The following TMEM182 variants were observed in gnomAD, a reference collection of about 807,000 sequenced individuals.
The protein encoded by TMEM182 is transmembrane protein 182.
In TMEM182, 20 loss-of-function variants were observed where a neutral mutation model predicts 26.8. The ratio of observed to expected loss-of-function variants is 0.75; its 90% CI spans 0.53 to 1.09. The LOEUF (loss-of-function observed/expected upper bound fraction) is 1.09, where lower values mean the gene tolerates loss of function less well. Among genes scored for constraint, TMEM182 ranks in the 50% least tolerant of loss-of-function variants. The pLI is 0.00. For missense variants in TMEM182, 277 were observed against 275.5 expected (o/e 1.01, Z -0.04); for synonymous variants, 109 against 102.2 (o/e 1.07, Z -0.40).
chr2:102,793,175 T>C (rs1332738319), intron 3 of TMEM182, among the ~76,000 whole-genome samples: 1 of 152,162 alleles, frequency 6.6e-6, no homozygotes, highest in Non-Finnish European at 1.5e-5. Context: ...ACAAGGATGA[T>C]TCCAATTCAT....
At chr2:102,831,652 G>A (rs1368823069) in intron 3 of TMEM182, among the ~76,000 whole-genome samples, 1 of 152,186 alleles carries the variant, frequency 6.6e-6, no homozygotes, top group Admixed American at 6.5e-5. Context: ...AGCTACTTGG[G>A]AGGCTGAGGC....
chr2:102,778,978 T>A (rs963446046), intron 3 of TMEM182, among the ~76,000 whole-genome samples: 1 of 152,146 alleles, frequency 6.6e-6, no homozygotes, highest in African/African-American at 2.4e-5. Context: ...TTTGCTTTTG[T>A]TTAGAAAACT....
chr2:102,780,494 A>G (rs1159951784), intron 3 of TMEM182, among the ~76,000 whole-genome samples: 1 of 152,118 alleles, frequency 6.6e-6, no homozygotes, highest in African/African-American at 2.4e-5. Context: ...GTGGGAGGGC[A>G]TTATGCAGTG....
chr2:102,754,101 G>A lies in TMEM182; in HGVS notation c.-82-4288G>A, dbSNP rs762569829. ...TGCGGCTCATAGGCAGTAAAAATCT[G>A]TTTCAATAATTATCATAGGGAAGCA... is the stretch of plus-strand genomic sequence containing the variant. On this transcript the variant is annotated intron_variant, in intron 1 of 5. Transcript: ENST00000409173. 3.9e-5 allele frequency among the ~76,000 whole-genome samples: 6 copies of A among 152,104 alleles called. No individual in the cohort carries two copies. The South Asian group carries it at 8.3e-4, about 21-fold the overall frequency.
At chr2:102,768,877 A>G (rs2104670269) in intron 3 of TMEM182, among the ~76,000 whole-genome samples, 1 of 152,068 alleles carries the variant, frequency 6.6e-6, no homozygotes, top group African/African-American at 2.4e-5. Flanking sequence ...TGAGGCTACA[A>G]GCAGGGAGGC....
intron 3 of TMEM182, among the ~76,000 whole-genome samples, chr2:102,842,114 G>T (rs1683364401): frequency 6.6e-6 from 1 of 152,026 alleles, no homozygotes; most frequent in East Asian, 1.9e-4. Context: ...CCTCTAGGAG[G>T]ATAATTCACT....
At chr2:102,790,457 A>G (rs1212912284) in intron 3 of TMEM182, among the ~76,000 whole-genome samples, 1 of 152,202 alleles carries the variant, frequency 6.6e-6, no homozygotes, top group Non-Finnish European at 1.5e-5. Context: ...TTACTTTCCT[A>G]ACTTTTTCCA....
chr2:102,786,893 G>A (rs776571776), intron 3 of TMEM182, among the ~76,000 whole-genome samples: 11 of 152,190 alleles, frequency 7.2e-5, no homozygotes, highest in Non-Finnish European at 1.3e-4. Context: ...CACAGGGAAT[G>A]GAAGTACAGT....
chr2:102,826,712 A>G (rs952706901), intron 3 of TMEM182, among the ~76,000 whole-genome samples: 1 of 151,772 alleles, frequency 6.6e-6, no homozygotes, highest in African/African-American at 2.4e-5. Context: ...TCATTCCTCC[A>G]CTCATCTTAG....
intron 3 of TMEM182, among the ~76,000 whole-genome samples, chr2:102,791,859 A>T (rs1259472499): frequency 6.6e-6 from 1 of 152,140 alleles, no homozygotes; most frequent in African/African-American, 2.4e-5. Flanking sequence ...AAGGCTGTGT[A>T]GTTTTACAAG....
intron 1 of TMEM182, among the ~76,000 whole-genome samples, chr2:102,746,628 C>G (rs367582980): frequency 2.0e-5 from 3 of 152,168 alleles, no homozygotes; most frequent in Admixed American, 6.5e-5. Flanking sequence ...GAGTCTCGCT[C>G]TCTCACCCAG....
intron 4 of TMEM182, among the ~76,000 whole-genome samples, chr2:102,806,218 C>T (rs755391288): frequency 4.0e-5 from 6 of 151,534 alleles, no homozygotes; most frequent in Non-Finnish European, 5.9e-5. Context: ...TTTACATTTT[C>T]GTGTATGGAA....
chr2:102,755,678 A>G (rs1325767540), intron 1 of TMEM182, among the ~76,000 whole-genome samples: 1 of 152,238 alleles, frequency 6.6e-6, no homozygotes, highest in East Asian at 1.9e-4. Flanking sequence ...GCTTGTATTT[A>G]GCACTCAGAC....
chr2:102,810,289 G>T (rs915580155), intron 4 of TMEM182, among the ~76,000 whole-genome samples: 2 of 152,116 alleles, frequency 1.3e-5, no homozygotes, highest in Non-Finnish European at 2.9e-5. Flanking sequence ...ATAGTGAAAA[G>T]ATCTTTAGAA....
At chr2:102,770,434 C>T (rs552760603) in intron 3 of TMEM182, among the ~76,000 whole-genome samples, 26 of 152,312 alleles carry the variant, frequency 1.7e-4, no homozygotes, top group African/African-American at 5.8e-4. Context: ...TGTATCCCAT[C>T]CCGGTTCACT....
At chr2:102,795,654 G>A (rs1681838365) in intron 3 of TMEM182, among the ~76,000 whole-genome samples, 1 of 152,142 alleles carries the variant, frequency 6.6e-6, no homozygotes, top group Non-Finnish European at 1.5e-5. Context: ...TTCTTGGTCT[G>A]TTTCCTGTGC....
intron 3 of TMEM182, among the ~76,000 whole-genome samples, chr2:102,777,241 G>A (rs1266656825): frequency 1.3e-5 from 2 of 151,896 alleles, no homozygotes; most frequent in East Asian, 1.9e-4. Context: ...ATTCCCTAGA[G>A]TTTCCCTTAT....
chr2:102,766,377 A>G (rs747002764), intron 3 of TMEM182, among the ~76,000 whole-genome samples: 10 of 152,144 alleles, frequency 6.6e-5, no homozygotes, highest in African/African-American at 1.7e-4. Context: ...ACCAAATCCA[A>G]TTTTTTTAAA....
chr2:102,801,236 C>T (rs1051439390), intron 4 of TMEM182, among the ~76,000 whole-genome samples: 1 of 152,084 alleles, frequency 6.6e-6, no homozygotes, highest in South Asian at 2.1e-4. Flanking sequence ...TCCTTTGTGG[C>T]ACTGTTGCAG....
Sources: allele counts gnomAD v4.1 joint callset (sites outside exome capture counted in the v4.1 genomes callset), GRCh38; gene constraint gnomAD v4.1.1; transcripts MANE v1.5; gene names NCBI Gene and HGNC (gene_info 2026-07-23, HGNC 2026-07-21).